ADGRF5: variants seen among roughly 807,000 people sequenced by gnomAD.
ADGRF5 encodes the protein G-protein coupled receptor 116.
ADGRF5 carries 75 observed loss-of-function variants against 132.3 expected under a neutral mutation model. That is an observed-to-expected ratio of 0.57 (90% CI 0.47 to 0.69). The LOEUF (loss-of-function observed/expected upper bound fraction) is 0.69. ADGRF5 is among the 30% of genes least tolerant of loss of function. The probability of loss-of-function intolerance (pLI) is 0.00; values close to 1 mark genes in which losing one functional copy is unlikely to be tolerated. For synonymous variants in ADGRF5, 629 were observed against 597.6 expected, an observed-to-expected ratio of 1.05 and a Z score of -0.77; for missense variants, 1,516 against 1,630.6, an observed-to-expected ratio of 0.93 and a Z score of 1.21.
intron 1 of ADGRF5, among the ~76,000 whole-genome samples, chr6:46,946,256 T>C (rs1034970902): frequency 6.6e-6 from 1 of 152,066 alleles, no homozygotes; most frequent in Non-Finnish European, 1.5e-5. Flanking sequence ...GCCAGGAGCA[T>C]TGGTGTCCTG....
At position 46,862,990 on chromosome 6, in the gene ADGRF5, G is replaced by A; in HGVS notation, c.2097C>T (p.Pro699=). The change falls in exon 15 of 21, where the codon CCC becomes CCT. Residue 699 remains proline, a synonymous_variant. Coordinates refer to ENST00000283296, the MANE Select transcript of ADGRF5 (RefSeq NM_001098518.2). The stretch of plus-strand genomic sequence containing the variant: ...ATTTGTAAGTGATGGTCCCGCCAAT[G>A]GGACTCTCAGGGCTGCTGGGAACGT... ...FSNVPSSPES[P]IGGTITYKCV... is the part of the protein sequence containing the mutation. The A allele has an allele frequency of 6.2e-7, 1 of 1,613,424 alleles. No homozygotes were observed. The highest frequency in any genetic ancestry group is 1.7e-4 in the Middle Eastern group (1 of 6,058).
chr6:46,939,089 T>G (rs1245390573), intron 1 of ADGRF5, among the ~76,000 whole-genome samples: 1 of 152,168 alleles, frequency 6.6e-6, no homozygotes, highest in African/African-American at 2.4e-5. Flanking sequence ...CAGGATGGTC[T>G]CGATCTCTTG....
In ADGRF5 at chr6:46,860,895, C is replaced by A; in HGVS notation, c.2200-1G>T. 1.9e-6 allele frequency: 3 copies of A among 1,582,448 alleles called. No individual in the cohort carries two copies. Among genetic ancestry groups the A allele is most frequent in the Non-Finnish European group, 2.6e-6 (3 of 1,161,686 alleles). ...CCTGAGAGGGGCTCTTGATCAAAGC[C>A]TAGTAAAACAAAAGCCAACACAAAA... On this transcript the variant is annotated splice_acceptor_variant, in intron 15 of 20. Transcript: ENST00000283296. LOFTEE classifies it high-confidence loss of function.
At chr6:46,877,373 CT>C (rs765483576) in intron 10 of ADGRF5, among the ~76,000 whole-genome samples, 18 of 55,152 alleles carry the variant, frequency 3.3e-4, no homozygotes, top group Admixed American at 9.1e-4. Context: ...TTCTTTCTTT[CT>C]TTCTTTCTTT....
At chr6:46,906,464 A>T (rs1207781308) in intron 2 of ADGRF5, among the ~76,000 whole-genome samples, 197 bp downstream of exon 2, 2 of 152,206 alleles carry the variant, frequency 1.3e-5, no homozygotes, top group African/African-American at 4.8e-5. Context: ...GTGGTAGCCC[A>T]GCAAATACAC....
intron 1 of ADGRF5, among the ~76,000 whole-genome samples, chr6:46,919,824 C>T (rs1776758858): frequency 6.6e-6 from 1 of 152,174 alleles, no homozygotes; most frequent in Admixed American, 6.5e-5. Flanking sequence ...TATGAAATAG[C>T]TATTGAAAGT....
In ADGRF5 at chr6:46,871,836, T is replaced by A; in HGVS notation, c.1411+7A>T. On this transcript the variant is annotated splice_region_variant and intron_variant, in intron 11 of 20. Transcript: ENST00000283296. Reference sequence around the variant, plus strand: ...TTATGGCTAAAAATGCTAGGGAGAGTCCTTACCCACAGAGATGAATGTCAC... The same window carrying A: ...TTATGGCTAAAAATGCTAGGGAGAGACCTTACCCACAGAGATGAATGTCAC... 1 of 1,581,704 alleles carries A rather than the reference T, an allele frequency of 6.3e-7. No homozygotes were observed. The highest frequency in any genetic ancestry group is 8.6e-7 in the Non-Finnish European group (1 of 1,156,116).
chr6:46,861,661 C>T (rs979213719), intron 15 of ADGRF5, among the ~76,000 whole-genome samples: 3 of 152,308 alleles, frequency 2.0e-5, no homozygotes, highest in South Asian at 4.1e-4. Flanking sequence ...CCATGTGCTA[C>T]ATTTCTTTAC....
intron 1 of ADGRF5, among the ~76,000 whole-genome samples, chr6:46,953,039 T>A (rs1460875756): frequency 4.6e-5 from 7 of 152,062 alleles, no homozygotes. Context: ...CATTCAAATA[T>A]TAGGGAAATG....
At chr6:46,896,688 CATATGTGATACATAT>C (rs919751978) in intron 3 of ADGRF5, among the ~76,000 whole-genome samples, 4 of 151,238 alleles carry the variant, frequency 2.6e-5, no homozygotes, top group Non-Finnish European at 4.4e-5. Flanking sequence ...ATGTGACATA[CATATGTGATACATAT>C]ATATGTGATA....
At chr6:46,883,007 C>T (rs1278884998) in intron 6 of ADGRF5, among the ~76,000 whole-genome samples, 1 of 152,196 alleles carries the variant, frequency 6.6e-6, no homozygotes, top group African/African-American at 2.4e-5. Flanking sequence ...TTAACTCTAG[C>T]AAAGTGTTTA....
rs1042861443 is a variant in ADGRF5 at position 46,897,179 on chromosome 6, T to C, written c.157+2850A>G. Among the ~76,000 whole-genome samples the C allele has an allele frequency of 6.0e-4, 81 of 135,750 alleles. 1 individual carries two copies. In the East Asian group the frequency reaches 7.7e-3, roughly 13 times the overall value. 89.1% of individuals were successfully genotyped at this position (135,750 alleles called of 152,430 possible). On this transcript the variant is annotated intron_variant, in intron 3 of 20. Transcript: ENST00000283296. ...ACACACACACACACACACACACACATATAAATTCAAGGGGCCAGTTAGGTT... is the reference window on the plus strand; with the variant it reads ...ACACACACACACACACACACACACACATAAATTCAAGGGGCCAGTTAGGTT...
intron 1 of ADGRF5, among the ~76,000 whole-genome samples, chr6:46,932,835 C>T (rs184647307): frequency 2.0e-5 from 3 of 152,276 alleles, no homozygotes; most frequent in East Asian, 1.9e-4. Flanking sequence ...CTCTCAATTC[C>T]TTTGAGGGAT....
intron 1 of ADGRF5, among the ~76,000 whole-genome samples, chr6:46,937,367 G>A (rs1777886633): frequency 6.6e-6 from 1 of 152,002 alleles, no homozygotes; most frequent in Admixed American, 6.6e-5. Flanking sequence ...CAGATTTCAT[G>A]CCATTGGGTT....
chr6:46,934,727 C>T (rs116050578), intron 1 of ADGRF5, among the ~76,000 whole-genome samples: 5 of 152,114 alleles, frequency 3.3e-5, no homozygotes, highest in Non-Finnish European at 7.4e-5. Flanking sequence ...CAGTCCCAAA[C>T]CCTTAGAAAC....
intron 20 of ADGRF5, among the ~76,000 whole-genome samples, chr6:46,855,513 C>A (rs1422392791): frequency 1.3e-5 from 2 of 152,160 alleles, no homozygotes; most frequent in African/African-American, 2.4e-5. Context: ...AACACAAGCA[C>A]ACTTTATAAA....
intron 1 of ADGRF5, among the ~76,000 whole-genome samples, chr6:46,916,551 T>C (rs220715): frequency 0.36 from 54,556 of 152,040 alleles, 12,002 homozygotes; most frequent in East Asian, 0.48. Context: ...TTTTTGGACA[T>C]TGGGCCACTA....
chr6:46,878,144 T>G, intron 10 of ADGRF5, 58 bp downstream of exon 10: 1 of 1,084,212 alleles, frequency 9.2e-7, no homozygotes, highest in Non-Finnish European at 1.4e-6. Flanking sequence ...CATCTCCCAT[T>G]TCTACTTGGC....
chr6:46,916,097 A>G (rs17470494), intron 1 of ADGRF5, among the ~76,000 whole-genome samples: 15,388 of 152,172 alleles, frequency 0.1, 873 homozygotes, highest in East Asian at 0.18. Context: ...ACACCTTCTT[A>G]TAGTAAGCTC....
Sources: gnomAD v4.1 joint callset for allele counts (sites outside exome capture counted in the v4.1 genomes callset) on GRCh38, gnomAD v4.1.1 for gene constraint, MANE v1.5 for transcripts, NCBI Gene and HGNC (gene_info 2026-07-23, HGNC 2026-07-21) for gene names.